Variants in USP30 observed in about 807,000 individuals in gnomAD.
USP30 encodes ubiquitin specific peptidase 30, also known as ubiquitin carboxyl-terminal hydrolase 30.
USP30 carries 41 observed loss-of-function variants against 68.2 expected under a neutral mutation model. That is an observed-to-expected ratio of 0.60 (90% CI 0.47 to 0.78). The LOEUF is 0.78. Ranked by LOEUF, USP30 falls within the 30% of genes least tolerant of loss-of-function variation. The pLI, the probability that USP30 is intolerant of heterozygous loss-of-function variation, is 0.00. For missense variants in USP30, 522 were observed against 649.4 expected (o/e 0.80, Z 2.13); for synonymous variants, 229 against 253.7 (o/e 0.90, Z 0.93).
At chr12:109,083,942 G>A (rs2041876522) in intron 11 of USP30, among the ~76,000 whole-genome samples, 1 of 152,124 alleles carries the variant, frequency 6.6e-6, no homozygotes, top group East Asian at 1.9e-4. Context: ...GATGAGGTAG[G>A]GGACAGACTC....
At chr12:109,030,543 G>A (rs1011196268) in intron 3 of USP30, among the ~76,000 whole-genome samples, 1 of 152,136 alleles carries the variant, frequency 6.6e-6, no homozygotes, top group Non-Finnish European at 1.5e-5. Flanking sequence ...TATAGGTAAC[G>A]ATACTTGAAA....
intron 3 of USP30, among the ~76,000 whole-genome samples, chr12:109,061,677 T>C (rs2041072129): frequency 6.6e-6 from 1 of 152,168 alleles, no homozygotes; most frequent in African/African-American, 2.4e-5. Flanking sequence ...CCCAGAGTGC[T>C]GGGATTGCGG....
chr12:109,032,601 C>G (rs1379910645), intron 3 of USP30, among the ~76,000 whole-genome samples: 1 of 152,070 alleles, frequency 6.6e-6, no homozygotes, highest in African/African-American at 2.4e-5. Flanking sequence ...CCAGAATAGG[C>G]AAATCCATAG....
rs928189123 is a variant in USP30, at chr12:109,070,060, C to T, written c.481-1552C>T. ...ACTAGGAGGCTGCGGGCGGCATCAG[C>T]TTCTATTGTGTTTGCAGCGGGGAGC... is the stretch of plus-strand genomic sequence containing the variant. On this transcript the variant is annotated intron_variant, in intron 4 of 12. Coordinates refer to ENST00000257548, the MANE Select transcript of USP30 (RefSeq NM_032663.5). This position sits in a 1 kb window ranked among gnomAD's most constrained non-coding sequence, Gnocchi z 4.0. Among the ~76,000 whole-genome samples, 5 of 152,002 alleles carry T rather than the reference C, an allele frequency of 3.3e-5. No homozygotes were observed. The highest frequency in any genetic ancestry group is 2.6e-4 in the Admixed American group (4 of 15,274).
At position 109,072,293 on chromosome 12, in the gene USP30, TC is replaced by T; in HGVS notation, c.580-11del. ...AGGTTTTCAGTCTGTTTTTTTTTTT[TC>T]TCCCCTACAGCAGCAGTCAGAAATA... is the stretch of plus-strand genomic sequence containing the variant. On this transcript the variant is annotated splice_polypyrimidine_tract_variant and intron_variant, in intron 5 of 12. Transcript: ENST00000257548. 6.2e-7 allele frequency: 1 copy of T among 1,612,568 alleles called. No individual in the cohort carries two copies. The highest frequency in any genetic ancestry group is 1.7e-5 in the Admixed American group (1 of 59,866).
intron 2 of USP30, among the ~76,000 whole-genome samples, chr12:109,026,299 C>T (rs544528614): frequency 2.6e-5 from 4 of 152,180 alleles, no homozygotes; most frequent in Admixed American, 6.5e-5. Flanking sequence ...TGGTCTCGAA[C>T]TCCTGGGCTC....
chr12:109,062,567 A>G (rs920438933), intron 3 of USP30, among the ~76,000 whole-genome samples: 1 of 151,860 alleles, frequency 6.6e-6, no homozygotes, highest in African/African-American at 2.4e-5. Flanking sequence ...TGACCTCGTG[A>G]TCCGCCCGCC....
Position 109,077,384 on chromosome 12 carries a change from A to G in USP30, c.720+3852A>G, listed in dbSNP as rs149885926. Among the ~76,000 whole-genome samples the G allele has an allele frequency of 5.4e-3, 818 of 152,298 alleles. 8 individuals carry two copies. Among genetic ancestry groups the G allele is most frequent in the South Asian group, 0.04 (192 of 4,828 alleles). ...TTTTTTTTAAACTTTGTTATTGGAT[A>G]CAAGCATATGTATTATGATGAGTTA... On this transcript the variant is annotated intron_variant, in intron 7 of 12. Transcript: ENST00000257548.
intron 1 of USP30, among the ~76,000 whole-genome samples, chr12:109,024,270 T>G (rs2040428148): frequency 6.6e-6 from 1 of 152,212 alleles, no homozygotes; most frequent in African/African-American, 2.4e-5. Flanking sequence ...TTTAATTTTA[T>G]TTTTTGAGAC....
intron 12 of USP30, among the ~76,000 whole-genome samples, 191 bp downstream of exon 12, chr12:109,085,264 G>A (rs1289760996): frequency 6.6e-6 from 1 of 152,014 alleles, no homozygotes; most frequent in African/African-American, 2.4e-5. Context: ...AATTTTTAAA[G>A]TACATAAAAT....
intron 3 of USP30, among the ~76,000 whole-genome samples, chr12:109,042,669 C>T (rs1470411106): frequency 6.6e-6 from 1 of 152,154 alleles, no homozygotes; most frequent in Non-Finnish European, 1.5e-5. Flanking sequence ...AGACTAAAAG[C>T]TTTTCCTCTA....
intron 3 of USP30, among the ~76,000 whole-genome samples, chr12:109,028,952 C>A (rs2040463244): frequency 6.6e-6 from 1 of 152,150 alleles, no homozygotes; most frequent in Non-Finnish European, 1.5e-5. Context: ...ATATTCAAAC[C>A]ATATCAAATG....
rs79312401 is a variant in USP30, at chr12:109,025,979, C to T, written c.-228+907C>T. Among the ~76,000 whole-genome samples the T allele has an allele frequency of 5.7e-3, 865 of 152,172 alleles. 6 individuals carry two copies. The highest frequency in any genetic ancestry group is 0.019 in the African/African-American group (789 of 41,524). ...GCATTACAGGTGTGAGCCACTGACC[C>T]TGGCATGAAGCGTTTTTTAAGTTGT... On this transcript the variant is annotated intron_variant, in intron 2 of 15. Coordinates refer to the USP30 transcript ENST00000392784.
intron 3 of USP30, among the ~76,000 whole-genome samples, chr12:109,065,601 A>G (rs2041222650): frequency 6.6e-6 from 1 of 152,228 alleles, no homozygotes; most frequent in African/African-American, 2.4e-5. Context: ...AATGGCTAAC[A>G]TACAGATGTA....
At chr12:109,084,769 A>G (rs1005736982) in intron 11 of USP30, among the ~76,000 whole-genome samples, 184 bp from the exon 12 acceptor site, 1 of 152,256 alleles carries the variant, frequency 6.6e-6, no homozygotes, top group African/African-American at 2.4e-5. Flanking sequence ...GGATTAAGAC[A>G]GATTATCCCT....
At chr12:109,084,804 G>C in intron 11 of USP30, 149 bp from the exon 12 acceptor site, 1 of 915,332 alleles carries the variant, frequency 1.1e-6, no homozygotes, top group Non-Finnish European at 1.5e-6. Flanking sequence ...ATAAAGGGCA[G>C]ATTATTTTAT....
In USP30 at chr12:109,082,011, T is replaced by C. The variant is rs1262513941; in HGVS notation, c.859T>C (p.Cys287Arg). The C allele has an allele frequency of 2.5e-6, 4 of 1,614,244 alleles. No homozygotes were observed. Among genetic ancestry groups the C allele is most frequent in the Non-Finnish European group, 3.4e-6 (4 of 1,180,044 alleles). The change falls in exon 9 of 13, where the codon TGT (cysteine) becomes CGT (arginine). Residue 287 changes from cysteine (C) to arginine (R), a missense_variant. Cys to Arg is a radical substitution (Grantham distance 180, BLOSUM62 -3). Coordinates refer to ENST00000257548, the MANE Select transcript of USP30 (RefSeq NM_032663.5). ...AGTGCGGGATGTTGTGTGTGACAAC[T>C]GTACAAAGGTATGCATTGAACCCCA... ...ESVRDVVCDN[C>R]TKIEAKGTLN... is the part of the protein sequence containing the mutation.
At chr12:109,075,937 T>C (rs1027057605) in intron 7 of USP30, among the ~76,000 whole-genome samples, 3 of 151,810 alleles carry the variant, frequency 2.0e-5, no homozygotes, top group African/African-American at 7.2e-5. Context: ...TAACCTCTTA[T>C]CAGATATATG....
upstream of USP30, among the ~76,000 whole-genome samples, chr12:109,050,830 C>A (rs1429188355): frequency 6.6e-6 from 1 of 151,978 alleles, no homozygotes; most frequent in Admixed American, 6.6e-5. Context: ...CATGGTGAAA[C>A]CCCGTCTCTA....
Sources: gnomAD v4.1 joint callset for allele counts (sites outside exome capture counted in the v4.1 genomes callset) on GRCh38, gnomAD v4.1.1 for gene constraint, Gnocchi (gnomAD v3.1) non-coding constraint, MANE v1.5 for transcripts, NCBI Gene and HGNC (gene_info 2026-07-23, HGNC 2026-07-21) for gene names.